VPS13B: variants seen among roughly 807,000 people sequenced by gnomAD.
VPS13B encodes vacuolar protein sorting 13 homolog B.
VPS13B carries 285 observed loss-of-function variants against 426.4 expected under a neutral mutation model. The observed-to-expected ratio is 0.67, with a 90% CI of 0.61 to 0.74. The LOEUF is 0.74. VPS13B is among the 30% of genes least tolerant of loss of function. The pLI is 0.00. For missense variants in VPS13B, 4,537 were observed against 4,782.6 expected (o/e 0.95, Z 1.51); for synonymous variants, 1,676 against 1,676.4 (o/e 1.00, Z 0.01).
At chr8:99,725,611 G>T (rs147723069) in intron 39 of VPS13B, among the ~76,000 whole-genome samples, 4 of 152,148 alleles carry the variant, frequency 2.6e-5, no homozygotes, top group African/African-American at 9.7e-5. Context: ...AGTATCCATC[G>T]CAGTAGAGAT....
chr8:99,400,728 G>A (rs1193511366), intron 21 of VPS13B, among the ~76,000 whole-genome samples: 1 of 152,112 alleles, frequency 6.6e-6, no homozygotes, highest in Non-Finnish European at 1.5e-5. Flanking sequence ...CTGGAGTGCA[G>A]TGCGCAATCT....
At chr8:99,051,269 C>A (rs1196428168) in intron 3 of VPS13B, among the ~76,000 whole-genome samples, 2 of 152,124 alleles carry the variant, frequency 1.3e-5, no homozygotes, top group East Asian at 3.9e-4. Context: ...TTTCCCAGCA[C>A]CATTTATTAA....
At position 99,864,701 on chromosome 8, in the gene VPS13B, G is replaced by A. The variant is rs185360543; in HGVS notation, c.11215+2755G>A. Among the ~76,000 whole-genome samples the A allele has an allele frequency of 1.3e-3, 203 of 152,298 alleles. 1 individual carries two copies. Among genetic ancestry groups the A allele is most frequent in the African/African-American group, 4.1e-3 (172 of 41,560 alleles). On this transcript the variant is annotated intron_variant, in intron 58 of 61. Transcript: ENST00000357162. ...AGGAAAAGTTTAGAGTTGGCAAAGC[G>A]TTTTCAAAGGTGTCATCTTATTTGA...
Position 99,446,410 on chromosome 8 carries a change from A to G in VPS13B, c.3445+3775A>G, listed in dbSNP as rs545604066. 3.9e-5 allele frequency among the ~76,000 whole-genome samples: 6 copies of G among 152,198 alleles called. No homozygotes were observed. In the South Asian group the frequency reaches 8.3e-4, roughly 21 times the overall value. ...TTGTCCTTTTCCTCTGGGTTCTTTA[A>G]GGATCTTCTCAGTCTTTGTGTTTTA... On this transcript the variant is annotated intron_variant, in intron 23 of 61. Transcript: ENST00000357162.
chr8:99,389,462 C>G (rs1389860793), intron 20 of VPS13B, among the ~76,000 whole-genome samples: 2 of 151,998 alleles, frequency 1.3e-5, no homozygotes, highest in Non-Finnish European at 2.9e-5. Flanking sequence ...TAGCTAATAG[C>G]CTACTGTTGA....
At chr8:99,849,705 A>G (rs1588780223) in intron 55 of VPS13B, among the ~76,000 whole-genome samples, 1 of 152,218 alleles carries the variant, frequency 6.6e-6, no homozygotes, top group African/African-American at 2.4e-5. Context: ...GAGATATCAC[A>G]CAGTTAATTA....
Position 99,391,594 on chromosome 8 carries a change from G to C in VPS13B, c.2972G>C (p.Cys991Ser). 1 of 1,614,188 alleles carries C rather than the reference G, an allele frequency of 6.2e-7. No individual in the cohort carries two copies. ...VVAVPLVMPV[C>S]RRKEDEVSIG... ...GCTGTTCCTCTTGTTATGCCAGTTT[G>C]TAGAAGGAAAGAGGATGAGGTGTCT... The change falls in exon 21 of 62, where the codon TGT (cysteine) becomes TCT (serine). Residue 991 changes from cysteine to serine, a missense_variant. Physicochemically the swap from Cys to Ser is moderately radical, Grantham distance 112. Transcript: ENST00000357162.
intron 19 of VPS13B, among the ~76,000 whole-genome samples, chr8:99,294,587 G>C (rs1210099062): frequency 6.6e-6 from 1 of 151,864 alleles, no homozygotes; most frequent in Non-Finnish European, 1.5e-5. Context: ...AAATAGCATG[G>C]AGTGATATGG....
intron 21 of VPS13B, among the ~76,000 whole-genome samples, chr8:99,407,636 C>CTTT (rs76220463): frequency 4.1e-4 from 61 of 150,086 alleles, no homozygotes; most frequent in East Asian, 1.9e-3. Flanking sequence ...ATTTTCTTTT[C>CTTT]TTTTTTTTTG....
chr8:99,400,396 G>T (rs1814969431), intron 21 of VPS13B, among the ~76,000 whole-genome samples: 1 of 152,114 alleles, frequency 6.6e-6, no homozygotes, highest in African/African-American at 2.4e-5. Context: ...GAATAAATTA[G>T]AACAAATACA....
chr8:99,052,665 C>CT (rs1186912535), intron 3 of VPS13B, among the ~76,000 whole-genome samples: 1 of 150,800 alleles, frequency 6.6e-6, no homozygotes, highest in Non-Finnish European at 1.5e-5. Flanking sequence ...TGGTCCTGGA[C>CT]TTTTTTTGGT....
At chr8:99,514,143 G>A (rs1372472231) in intron 29 of VPS13B, among the ~76,000 whole-genome samples, 1 of 152,134 alleles carries the variant, frequency 6.6e-6, no homozygotes, top group East Asian at 1.9e-4. Context: ...CACCATCCAT[G>A]TCAGTGTTCG....
intron 35 of VPS13B, among the ~76,000 whole-genome samples, chr8:99,681,712 A>C (rs1831161991): frequency 6.6e-6 from 1 of 152,210 alleles, no homozygotes; most frequent in Admixed American, 6.5e-5. Flanking sequence ...TTGGGAATAC[A>C]TATAGCTCTG....
At chr8:99,131,619 C>CT (rs1362440739) in intron 8 of VPS13B, among the ~76,000 whole-genome samples, 1 of 152,144 alleles carries the variant, frequency 6.6e-6, no homozygotes, top group Non-Finnish European at 1.5e-5. Context: ...AACAGTATGT[C>CT]TAAAACCACT....
chr8:99,452,031 C>T (rs533684859), intron 23 of VPS13B, among the ~76,000 whole-genome samples: 6 of 152,252 alleles, frequency 3.9e-5, no homozygotes, highest in Middle Eastern at 3.4e-3. Flanking sequence ...TGATGGCTTC[C>T]TTTCAGTCTT....
intron 31 of VPS13B, among the ~76,000 whole-genome samples, chr8:99,567,049 T>C (rs1162058125): frequency 6.6e-6 from 1 of 152,184 alleles, no homozygotes; most frequent in African/African-American, 2.4e-5. Flanking sequence ...TGTGAGCCAC[T>C]GTACCCAGCC....
chr8:99,535,521 A>G (rs1031474978), intron 30 of VPS13B, among the ~76,000 whole-genome samples: 5 of 152,354 alleles, frequency 3.3e-5, no homozygotes, highest in South Asian at 2.1e-4. Flanking sequence ...AAAGCATTCT[A>G]CATTGAGAAA....
intron 33 of VPS13B, among the ~76,000 whole-genome samples, chr8:99,598,143 G>C (rs1466027585): frequency 6.6e-6 from 1 of 152,050 alleles, no homozygotes; most frequent in Non-Finnish European, 1.5e-5. Context: ...ATAGAGAGAA[G>C]TTGGTGTTTG....
chr8:99,511,019 TC>T, intron 28 of VPS13B, 84 bp from the exon 29 acceptor site: 1 of 1,459,962 alleles, frequency 6.8e-7, no homozygotes, highest in South Asian at 1.2e-5. Context: ...GTAAAAATAC[TC>T]ACTGAGGTCA....
Sources: allele counts gnomAD v4.1 joint callset (sites outside exome capture counted in the v4.1 genomes callset), GRCh38; gene constraint gnomAD v4.1.1; transcripts MANE v1.5; gene names NCBI Gene and HGNC (gene_info 2026-07-23, HGNC 2026-07-21).